The following FGF19 variants were observed in gnomAD, a reference collection of about 807,000 sequenced individuals.
The protein encoded by FGF19 is fibroblast growth factor 19, also known as FGF-19.
Under a neutral mutation model 8.9 loss-of-function variants are expected in FGF19, and 5 were observed. That is an observed-to-expected ratio of 0.56 (90% CI 0.29 to 1.18). The LOEUF (loss-of-function observed/expected upper bound fraction) is 1.18. Among genes scored for constraint, FGF19 ranks in the 50% most tolerant of loss-of-function variants. The probability of loss-of-function intolerance (pLI) is 0.08; values close to 1 mark genes in which losing one functional copy is unlikely to be tolerated. For missense variants in FGF19, 237 were observed against 293.9 expected (o/e 0.81, Z 1.42); for synonymous variants, 124 against 128.0 (o/e 0.97, Z 0.21).
Position 69,703,511 on chromosome 11 carries a change from C to T in FGF19, c.232+134G>A. On this transcript the variant is annotated intron_variant, in intron 1 of 2. Transcript: ENST00000294312. This position sits in a 1 kb window ranked among gnomAD's most constrained non-coding sequence, Gnocchi z 6.8. ...GGATCCTAACGTCCAGGTGCCAAAA[C>T]CTGGGGTTCCCAGGAGTTGAGGGGT... 1.3e-6 allele frequency: 1 copy of T among 793,292 alleles called. No individual in the cohort carries two copies. The highest frequency in any genetic ancestry group is 1.9e-6 in the Non-Finnish European group (1 of 540,244). The allele number at this position is 793,292 out of a possible 1,614,324, so 49.1% of individuals were successfully genotyped here.
Position 69,703,815 on chromosome 11 carries a change from G to A in FGF19, c.62C>T (p.Ala21Val), listed in dbSNP as rs2119918522. The A allele has an allele frequency of 8.1e-6, 10 of 1,236,078 alleles. No homozygotes were observed. Among genetic ancestry groups the A allele is most frequent in the Non-Finnish European group, 1.0e-5 (10 of 989,974 alleles). The allele number at this position is 1,236,078 out of a possible 1,614,324, so 76.6% of individuals were successfully genotyped here. A position where few individuals can be genotyped will look rare whatever the true frequency, so the allele number is the denominator to read the frequency against. Residue 21 changes from alanine to valine, a missense_variant, in exon 1 of 3, where the codon GCC (alanine) becomes GTC (valine). Transcript: ENST00000294312. This position sits in a 1 kb window ranked among gnomAD's most constrained non-coding sequence, Gnocchi z 6.8. Reference protein sequence around the residue: ...WILAGLWLAVAGRPLAFSDAG... With the variant: ...WILAGLWLAVVGRPLAFSDAG... Reference sequence around the variant, plus strand: ...GTCCGAGAAGGCGAGGGGGCGCCCGGCCACGGCCAGCCAGAGGCCGGCCAG... The same window carrying A: ...GTCCGAGAAGGCGAGGGGGCGCCCGACCACGGCCAGCCAGAGGCCGGCCAG...
chr11:69,702,652 C>A lies in FGF19; in HGVS notation c.336+609G>T, dbSNP rs1854787990. 6.6e-6 allele frequency among the ~76,000 whole-genome samples: 1 copy of A among 152,054 alleles called. No individual in the cohort carries two copies. Among genetic ancestry groups the A allele is most frequent in the African/African-American group, 2.4e-5 (1 of 41,412 alleles). On this transcript the variant is annotated intron_variant, in intron 2 of 2. Coordinates refer to ENST00000294312, the MANE Select transcript of FGF19 (RefSeq NM_005117.3). The surrounding 1 kb of genome is among the most constrained non-coding windows in gnomAD (Gnocchi z 4.6). ...GAAAGCGTTTACAGGACAGGTGAGG[C>A]CCGCAGGAGGAAAAGCACTCCCCTG...
chr11:69,700,942 G>A (rs1010489173), intron 2 of FGF19, among the ~76,000 whole-genome samples: 1 of 152,278 alleles, frequency 6.6e-6, no homozygotes, highest in African/African-American at 2.4e-5. Flanking sequence ...GCGGGAGCCG[G>A]AAGGGCTGGG....
chr11:69,703,565 G>A lies in FGF19; in HGVS notation c.232+80C>T. The A allele has an allele frequency of 1.2e-6, 1 of 830,044 alleles. No individual in the cohort carries two copies. Among genetic ancestry groups the A allele is most frequent in the Non-Finnish European group, 1.6e-6 (1 of 620,356 alleles). 51.4% of individuals were successfully genotyped at this position (830,044 alleles called of 1,614,324 possible). A position where few individuals can be genotyped will look rare whatever the true frequency, so the allele number is the denominator to read the frequency against. On this transcript the variant is annotated intron_variant, in intron 1 of 2. Transcript: ENST00000294312. This position sits in a 1 kb window ranked among gnomAD's most constrained non-coding sequence, Gnocchi z 6.8. Reference sequence around the variant, plus strand: ...CAGGAGCCTAAGGGTGGCAAAGGAAGGAAGGGCGCTGGGGTGGGGCGCGCG... The same window carrying A: ...CAGGAGCCTAAGGGTGGCAAAGGAAAGAAGGGCGCTGGGGTGGGGCGCGCG...
rs552185957 is a variant in FGF19, at chr11:69,698,749, G to A, written c.*513C>T. 1 of 205,416 alleles carries A rather than the reference G, an allele frequency of 4.9e-6. No individual in the cohort carries two copies. Among genetic ancestry groups the A allele is most frequent in the Non-Finnish European group, 1.0e-5 (1 of 99,702 alleles). The allele number at this position is 205,416 out of a possible 1,614,324, so 12.7% of individuals were successfully genotyped here. ...GTCAGTTCTGGCCTGGAGGGATTTG[G>A]GAAGGGCAAATGGTCCCTGGAAGTA... On this transcript the variant is annotated 3_prime_UTR_variant, in exon 3 of 3. Transcript: ENST00000294312.
rs1207167539 is a variant in FGF19 at position 69,702,925 on chromosome 11, A to G, written c.336+336T>C. On this transcript the variant is annotated intron_variant, in intron 2 of 2. Transcript: ENST00000294312. The surrounding 1 kb of genome is among the most constrained non-coding windows in gnomAD (Gnocchi z 4.6). ...CCACACACGCGCAGGCAGAGGCTGA[A>G]AAGGCCCGAGGTGGGTTTTCCTGTT... is the stretch of plus-strand genomic sequence containing the variant. Among the ~76,000 whole-genome samples, 1 of 152,078 alleles carries G rather than the reference A, an allele frequency of 6.6e-6. No individual in the cohort carries two copies.
In FGF19 at chr11:69,703,820, G is replaced by A. The variant is rs1173375694; in HGVS notation, c.57C>T (p.Ala19=). 5 of 1,236,134 alleles carry A rather than the reference G, an allele frequency of 4.0e-6. No individual in the cohort carries two copies. The highest frequency in any genetic ancestry group is 5.1e-6 in the Non-Finnish European group (5 of 990,080). The allele number at this position is 1,236,134 out of a possible 1,614,324, so 76.6% of individuals were successfully genotyped here. The change falls in exon 1 of 3, where the codon GCC becomes GCT. Residue 19 remains alanine (A), a synonymous_variant. Transcript: ENST00000294312. This position sits in a 1 kb window ranked among gnomAD's most constrained non-coding sequence, Gnocchi z 6.8. ...HVWILAGLWL[A]VAGRPLAFSD... ...AGAAGGCGAGGGGGCGCCCGGCCAC[G>A]GCCAGCCAGAGGCCGGCCAGGATCC...
chr11:69,699,630 T>G, intron 2 of FGF19, 54 bp from the exon 3 acceptor site: 2 of 1,429,890 alleles, frequency 1.4e-6, no homozygotes, highest in Non-Finnish European at 1.9e-6. Flanking sequence ...GGAACACGGG[T>G]CCACATGGAC....
chr11:69,699,496 G>A lies in FGF19; in HGVS notation c.417C>T (p.His139=). 1 of 1,614,040 alleles carries A rather than the reference G, an allele frequency of 6.2e-7. No individual in the cohort carries two copies. The highest frequency in any genetic ancestry group is 2.2e-5 in the East Asian group (1 of 44,874). Residue 139 remains histidine, a synonymous_variant, in exon 3 of 3, where the codon CAC becomes CAT. Coordinates refer to ENST00000294312, the MANE Select transcript of FGF19 (RefSeq NM_005117.3). ...DGYNVYRSEK[H]RLPVSLSSAK... is the part of the protein sequence containing the mutation. Reference sequence around the variant, plus strand: ...CACTGCTCAGGGAGACCGGGAGGCGGTGCTTCTCGGATCGGTACACATTGT... The same window carrying A: ...CACTGCTCAGGGAGACCGGGAGGCGATGCTTCTCGGATCGGTACACATTGT...
At position 69,698,997 on chromosome 11, in the gene FGF19, G is replaced by T. The variant is rs1854737156; in HGVS notation, c.*265C>A. 4.2e-6 allele frequency: 2 copies of T among 474,084 alleles called. No individual in the cohort carries two copies. The highest frequency in any genetic ancestry group is 6.4e-5 in the South Asian group (2 of 31,352). The allele number at this position is 474,084 out of a possible 1,614,324, so 29.4% of individuals were successfully genotyped here. The stretch of plus-strand genomic sequence containing the variant: ...CAAGCAGAACTGAGACAGTGCAGCA[G>T]CTTGTCCAGCAACCTCGAGGGAGCA... On this transcript the variant is annotated 3_prime_UTR_variant, in exon 3 of 3. Transcript: ENST00000294312.
Position 69,699,359 on chromosome 11 carries a change from G to T in FGF19, c.554C>A (p.Ser185Tyr). The T allele has an allele frequency of 6.2e-7, 1 of 1,614,200 alleles. No homozygotes were observed. Among genetic ancestry groups the T allele is most frequent in the Non-Finnish European group, 8.5e-7 (1 of 1,180,020 alleles). The change falls in exon 3 of 3, where the codon TCT becomes TAT. Residue 185 changes from serine to tyrosine, a missense_variant. Physicochemically the swap from Ser to Tyr is moderately radical, Grantham distance 144. Transcript: ENST00000294312. ...EPEDLRGHLE[S>Y]DMFSSPLETD... The stretch of plus-strand genomic sequence containing the variant: ...CTCCAGGGGCGAAGAGAACATGTCA[G>T]ATTCCAAGTGGCCCCTGAGGTCCTC...
At position 69,698,649 on chromosome 11, in the gene FGF19, T is replaced by G. The variant is rs950915778; in HGVS notation, c.*613A>C. 1 of 197,254 alleles carries G rather than the reference T, an allele frequency of 5.1e-6. No individual in the cohort carries two copies. Among genetic ancestry groups the G allele is most frequent in the African/African-American group, 2.3e-5 (1 of 43,218 alleles). The allele number at this position is 197,254 out of a possible 1,614,324, so 12.2% of individuals were successfully genotyped here. On this transcript the variant is annotated 3_prime_UTR_variant, in exon 3 of 3. Coordinates refer to ENST00000294312, the MANE Select transcript of FGF19 (RefSeq NM_005117.3). Reference sequence around the variant, plus strand: ...ACAGAACTGGCCTCAGGGGGAATTCTCAAGTTGTCCCAGGGCTGGAGTGGG... The same window carrying G: ...ACAGAACTGGCCTCAGGGGGAATTCGCAAGTTGTCCCAGGGCTGGAGTGGG...
At position 69,702,056 on chromosome 11, in the gene FGF19, G is replaced by C. The variant is rs1415874481; in HGVS notation, c.336+1205C>G. Among the ~76,000 whole-genome samples, 2 of 149,516 alleles carry C rather than the reference G, an allele frequency of 1.3e-5. No individual in the cohort carries two copies. The highest frequency in any genetic ancestry group is 3.0e-5 in the Non-Finnish European group (2 of 67,634). ...GGGCAGAATGGCGGGTTAGGTTGAC[G>C]TCCCCTGCTGGCCTCCCATCATTAG... On this transcript the variant is annotated intron_variant, in intron 2 of 2. Transcript: ENST00000294312. The surrounding 1 kb of genome is among the most constrained non-coding windows in gnomAD (Gnocchi z 4.6).
chr11:69,703,572 C>T lies in FGF19; in HGVS notation c.232+73G>A. On this transcript the variant is annotated intron_variant, in intron 1 of 2. Transcript: ENST00000294312. The surrounding 1 kb of genome is among the most constrained non-coding windows in gnomAD (Gnocchi z 6.8). ...CTAAGGGTGGCAAAGGAAGGAAGGG[C>T]GCTGGGGTGGGGCGCGCGCAGCGGG... The T allele has an allele frequency of 1.6e-6, 1 of 609,598 alleles. No individual in the cohort carries two copies. Among genetic ancestry groups the T allele is most frequent in the Non-Finnish European group, 2.0e-6 (1 of 490,154 alleles). 37.8% of individuals were successfully genotyped at this position (609,598 alleles called of 1,614,324 possible).
rs1854802487 is a variant in FGF19, at chr11:69,703,597, G to C, written c.232+48C>G. The C allele has an allele frequency of 1.0e-6, 1 of 984,344 alleles. No homozygotes were observed. Among genetic ancestry groups the C allele is most frequent in the Non-Finnish European group, 1.3e-6 (1 of 763,274 alleles). The allele number at this position is 984,344 out of a possible 1,614,324, so 61.0% of individuals were successfully genotyped here. The stretch of plus-strand genomic sequence containing the variant: ...CGCTGGGGTGGGGCGCGCGCAGCGG[G>C]GTGGGGTGCGCGCGGCGGGGCGGGC... On this transcript the variant is annotated intron_variant, in intron 1 of 2. Transcript: ENST00000294312. This position sits in a 1 kb window ranked among gnomAD's most constrained non-coding sequence, Gnocchi z 6.8.
At position 69,699,102 on chromosome 11, in the gene FGF19, G is replaced by T. The variant is rs956109905; in HGVS notation, c.*160C>A. 4.9e-6 allele frequency: 3 copies of T among 607,636 alleles called. No homozygotes were observed. Among genetic ancestry groups the T allele is most frequent in the Non-Finnish European group, 8.7e-6 (3 of 346,434 alleles). 37.6% of individuals were successfully genotyped at this position (607,636 alleles called of 1,614,324 possible). A position where few individuals can be genotyped will look rare whatever the true frequency, so the allele number is the denominator to read the frequency against. On this transcript the variant is annotated 3_prime_UTR_variant, in exon 3 of 3. Transcript: ENST00000294312. ...AGACAAGTCTATTGGCTAGAAACTG[G>T]CACTGCCAATGGAAAACTCTGAATA...
In FGF19 at chr11:69,703,782, G is replaced by T; in HGVS notation, c.95C>A (p.Pro32His). Residue 32 changes from proline to histidine, a missense_variant, in exon 1 of 3, where the codon CCC becomes CAC. Pro to His is a moderately conservative substitution (Grantham distance 77). Coordinates refer to ENST00000294312, the MANE Select transcript of FGF19 (RefSeq NM_005117.3). The surrounding 1 kb of genome is among the most constrained non-coding windows in gnomAD (Gnocchi z 6.8). ...GRPLAFSDAG[P>H]HVHYGWGDPI... ...GTCGCCCCAGCCGTAGTGCACGTGG[G>T]GCCCCGCGTCCGAGAAGGCGAGGGG... The T allele has an allele frequency of 8.1e-7, 1 of 1,235,226 alleles. No homozygotes were observed. The highest frequency in any genetic ancestry group is 1.0e-6 in the Non-Finnish European group (1 of 989,442). The allele number at this position is 1,235,226 out of a possible 1,614,324, so 76.5% of individuals were successfully genotyped here. A position where few individuals can be genotyped will look rare whatever the true frequency, so the allele number is the denominator to read the frequency against.
chr11:69,699,203 C>A lies in FGF19; in HGVS notation c.*59G>T. ...GGACTGTTCTTGTAGAAGCACGTCC[C>A]CCACGCTGCAGGTACCACAGCCCCT... On this transcript the variant is annotated 3_prime_UTR_variant, in exon 3 of 3. Transcript: ENST00000294312. 1 of 1,268,708 alleles carries A rather than the reference C, an allele frequency of 7.9e-7. No individual in the cohort carries two copies. Among genetic ancestry groups the A allele is most frequent in the East Asian group, 2.4e-5 (1 of 42,256 alleles). 78.6% of individuals were successfully genotyped at this position (1,268,708 alleles called of 1,614,324 possible).
chr11:69,699,340 G>C lies in FGF19; in HGVS notation c.573C>G (p.Pro191=), dbSNP rs1265413720. The part of the protein sequence containing the change: ...GHLESDMFSS[P]LETDSMDPFG... ...ATGGGTCCATGCTGTCGGTCTCCAG[G>C]GGCGAAGAGAACATGTCAGATTCCA... The change falls in exon 3 of 3, where the codon CCC becomes CCG. Residue 191 remains proline (P), a synonymous_variant. Coordinates refer to ENST00000294312, the MANE Select transcript of FGF19 (RefSeq NM_005117.3). The C allele has an allele frequency of 1.9e-6, 3 of 1,614,042 alleles. No homozygotes were observed. Among genetic ancestry groups the C allele is most frequent in the Admixed American group, 3.3e-5 (2 of 59,994 alleles).
Sources: allele counts gnomAD v4.1 joint callset (sites outside exome capture counted in the v4.1 genomes callset), GRCh38; gene constraint gnomAD v4.1.1; non-coding constraint Gnocchi (gnomAD v3.1); transcripts MANE v1.5; gene names NCBI Gene and HGNC (gene_info 2026-07-23, HGNC 2026-07-21).